Variants in PDE1C observed in about 807,000 individuals in gnomAD.
PDE1C encodes the protein dual specificity calcium/calmodulin-dependent 3',5'-cyclic nucleotide phosphodiesterase 1C.
A neutral mutation model predicts 93.1 loss-of-function variants in PDE1C; 62 were observed. That is an observed-to-expected ratio of 0.67 (90% CI 0.54 to 0.82). The LOEUF is 0.82. Among genes scored for constraint, PDE1C ranks in the 40% least tolerant of loss-of-function variants. The pLI, the probability that PDE1C is intolerant of heterozygous loss-of-function variation, is 0.00. For synonymous variants in PDE1C, 325 were observed against 310.1 expected, an observed-to-expected ratio of 1.05 and a Z score of -0.50; for missense variants, 742 against 884.6, an observed-to-expected ratio of 0.84 and a Z score of 2.04.
At chr7:31,777,916 C>T (rs1401398786) in intron 16 of PDE1C, among the ~76,000 whole-genome samples, 1 of 152,102 alleles carries the variant, frequency 6.6e-6, no homozygotes, top group Non-Finnish European at 1.5e-5. Flanking sequence ...GGGTCCAACC[C>T]TGGCTGTAGC....
chr7:31,863,569 T>A (rs768465998), intron 7 of PDE1C, among the ~76,000 whole-genome samples: 2 of 152,190 alleles, frequency 1.3e-5, no homozygotes, highest in Non-Finnish European at 2.9e-5. Flanking sequence ...CCCTTTATAA[T>A]CTTGTTATAA....
chr7:32,034,403 A>G (rs1790761869), intron 2 of PDE1C, among the ~76,000 whole-genome samples: 1 of 152,110 alleles, frequency 6.6e-6, no homozygotes, highest in African/African-American at 2.4e-5. Context: ...TTTGTGCTGC[A>G]CAGATTTGTG....
At chr7:31,782,002 G>A (rs531085731) in intron 16 of PDE1C, among the ~76,000 whole-genome samples, 1 of 152,090 alleles carries the variant, frequency 6.6e-6, no homozygotes, top group African/African-American at 2.4e-5. Context: ...CCCAGTAATT[G>A]TATATCTGGA....
chr7:32,170,855 A>T (rs1241743910), intron 2 of PDE1C, among the ~76,000 whole-genome samples: 1 of 152,006 alleles, frequency 6.6e-6, no homozygotes, highest in Non-Finnish European at 1.5e-5. Context: ...TCCACACCCC[A>T]TCTACCTCCC....
intron 2 of PDE1C, 137 bp from the exon 3 acceptor site, chr7:31,880,997 C>T (rs1797180553): frequency 1.6e-6 from 1 of 631,426 alleles, no homozygotes; most frequent in Admixed American, 3.1e-5. Context: ...ATTATGGGAC[C>T]AAAGGAGCAG....
intron 1 of PDE1C, among the ~76,000 whole-genome samples, chr7:32,218,067 C>T (rs990204019): frequency 6.6e-6 from 1 of 152,226 alleles, no homozygotes; most frequent in Admixed American, 6.5e-5. Flanking sequence ...GTTACTACCA[C>T]ACCACCAGCC....
At chr7:32,357,060 T>G (rs7809183) in intron 1 of PDE1C, among the ~76,000 whole-genome samples, 13,504 of 152,230 alleles carry the variant, frequency 0.089, 703 homozygotes, top group East Asian at 0.13. Flanking sequence ...TAGGCCGGGC[T>G]CAGTGGCTCA....
At chr7:32,250,021 T>C (rs1442985684) in intron 1 of PDE1C, among the ~76,000 whole-genome samples, 6 of 152,168 alleles carry the variant, frequency 3.9e-5, no homozygotes, top group Non-Finnish European at 7.3e-5. Flanking sequence ...TTTTCCTAAG[T>C]CAAATGTGCA....
intron 2 of PDE1C, among the ~76,000 whole-genome samples, chr7:32,183,553 G>T (rs1562557184): frequency 6.6e-6 from 1 of 152,160 alleles, no homozygotes; most frequent in Non-Finnish European, 1.5e-5. Context: ...AATGGGGAAA[G>T]GATTCCCTAT....
chr7:32,045,991 G>T (rs1005761418), intron 2 of PDE1C, among the ~76,000 whole-genome samples: 1 of 152,096 alleles, frequency 6.6e-6, no homozygotes. Flanking sequence ...TCAATTACTG[G>T]GTTCATCAAG....
the PDE1C span, among the ~76,000 whole-genome samples, chr7:31,706,888 T>A: frequency 2.0e-5 from 3 of 152,152 alleles, no homozygotes; most frequent in Non-Finnish European, 4.4e-5. Context: ...GAACTGTGAG[T>A]GCAAAGCAAT....
chr7:31,848,548 G>A (rs1467659435), intron 8 of PDE1C, among the ~76,000 whole-genome samples: 2 of 152,110 alleles, frequency 1.3e-5, no homozygotes, highest in Non-Finnish European at 2.9e-5. Context: ...AGCTGCCTCT[G>A]ATAGTGGCTT....
chr7:31,840,963 TG>T (rs1791783944), intron 9 of PDE1C, among the ~76,000 whole-genome samples: 1 of 152,202 alleles, frequency 6.6e-6, no homozygotes, highest in East Asian at 1.9e-4. Context: ...GGAATTGTAT[TG>T]AAACAATAAA....
At chr7:32,381,122 G>C (rs1454803511) in intron 1 of PDE1C, among the ~76,000 whole-genome samples, 1 of 151,648 alleles carries the variant, frequency 6.6e-6, no homozygotes, top group Non-Finnish European at 1.5e-5. Context: ...TGTTATTCTT[G>C]ACTTCTCTCT....
the PDE1C span, among the ~76,000 whole-genome samples, chr7:31,710,835 A>C: frequency 6.6e-6 from 1 of 152,222 alleles, no homozygotes; most frequent in African/African-American, 2.4e-5. Context: ...AACTTGCTAT[A>C]ATATATTATG....
intron 3 of PDE1C, among the ~76,000 whole-genome samples, chr7:32,107,913 GAGTGTTACTTAAA>G (rs1205660006): frequency 1.3e-5 from 2 of 152,012 alleles, no homozygotes; most frequent in African/African-American, 4.8e-5. Flanking sequence ...TGAAGCAGTA[GAGTGTTACTTAAA>G]AGTGGATTTG....
At chr7:32,183,400 A>G (rs1027457533) in intron 2 of PDE1C, among the ~76,000 whole-genome samples, 1 of 152,202 alleles carries the variant, frequency 6.6e-6, no homozygotes, top group Middle Eastern at 3.2e-3. Flanking sequence ...ACTTCAAACT[A>G]TACTACAAGG....
upstream of PDE1C, chr7:32,070,922 C>T (rs540197336): frequency 2.0e-6 from 2 of 985,448 alleles, no homozygotes; most frequent in African/African-American, 1.7e-5. Context: ...GCGCCCAGCG[C>T]CCCGCTCACT....
At chr7:31,721,363 G>A in the PDE1C span, among the ~76,000 whole-genome samples, 4 of 152,150 alleles carry the variant, frequency 2.6e-5, no homozygotes, top group Non-Finnish European at 5.9e-5. Context: ...TGGCCAATAC[G>A]GTAGACACTA....
Sources: allele counts gnomAD v4.1 joint callset (sites outside exome capture counted in the v4.1 genomes callset), GRCh38; gene constraint gnomAD v4.1.1; transcripts MANE v1.5; gene names NCBI Gene and HGNC (gene_info 2026-07-23, HGNC 2026-07-21).